NPAS3: variants seen among roughly 807,000 people sequenced by gnomAD.
NPAS3 encodes neuronal PAS domain-containing protein 3.
NPAS3 carries 14 observed loss-of-function variants against 73.1 expected under a neutral mutation model. The observed-to-expected ratio is 0.19, with a 90% CI of 0.13 to 0.30. The LOEUF (loss-of-function observed/expected upper bound fraction) is 0.30, where lower values mean the gene tolerates loss of function less well. NPAS3 is among the 10% of genes least tolerant of loss of function. The pLI is 1.00. For missense variants in NPAS3, 1,096 were observed against 1,250.0 expected, an observed-to-expected ratio of 0.88 and a Z score of 1.86; for synonymous variants, 620 against 541.5, an observed-to-expected ratio of 1.14 and a Z score of -2.01.
intron 6 of NPAS3, among the ~76,000 whole-genome samples, chr14:33,734,985 T>C (rs1482231293): frequency 6.6e-6 from 1 of 152,196 alleles, no homozygotes; most frequent in Non-Finnish European, 1.5e-5. Context: ...TAAAAAGGCC[T>C]GAAAAGCTCT....
chr14:33,527,896 T>G (rs1354829183), intron 4 of NPAS3, among the ~76,000 whole-genome samples: 9 of 152,066 alleles, frequency 5.9e-5, no homozygotes, highest in Admixed American at 4.6e-4. Context: ...CAATGGCTGT[T>G]TCAACAGAAG....
At chr14:33,138,197 C>A (rs987491163) in intron 2 of NPAS3, among the ~76,000 whole-genome samples, 1 of 131,660 alleles carries the variant, frequency 7.6e-6, no homozygotes, top group Admixed American at 7.8e-5. Context: ...AATGCTATCC[C>A]TCCCCCCTCC....
chr14:33,374,083 G>A (rs1365988237), intron 4 of NPAS3, among the ~76,000 whole-genome samples: 6 of 152,172 alleles, frequency 3.9e-5, no homozygotes, highest in Non-Finnish European at 5.9e-5. Context: ...AAAAATGATA[G>A]AGAAGAAGGG....
intron 6 of NPAS3, among the ~76,000 whole-genome samples, chr14:33,709,864 C>A (rs1444073732): frequency 6.6e-6 from 1 of 152,124 alleles, no homozygotes; most frequent in Non-Finnish European, 1.5e-5. Context: ...TGATATGTAT[C>A]ATGCTGGGAT....
At chr14:32,960,730 T>C (rs916884550) in intron 1 of NPAS3, among the ~76,000 whole-genome samples, 2 of 152,222 alleles carry the variant, frequency 1.3e-5, no homozygotes, top group South Asian at 2.1e-4. Context: ...AGTGCATATA[T>C]ACTTATGTGC....
At chr14:33,150,157 G>A (rs1051960174) in intron 2 of NPAS3, among the ~76,000 whole-genome samples, 2 of 152,102 alleles carry the variant, frequency 1.3e-5, no homozygotes, top group Non-Finnish European at 2.9e-5. Context: ...TGGTGTACAT[G>A]TGCCACATCT....
intron 4 of NPAS3, among the ~76,000 whole-genome samples, chr14:33,391,287 A>G (rs951186808): frequency 6.8e-6 from 1 of 146,964 alleles, no homozygotes; most frequent in African/African-American, 2.5e-5. Flanking sequence ...TCTGCCTCGC[A>G]GGTTTAAGCA....
At chr14:33,482,269 T>C (rs1246192150) in intron 4 of NPAS3, among the ~76,000 whole-genome samples, 1 of 152,186 alleles carries the variant, frequency 6.6e-6, no homozygotes. Flanking sequence ...TTAAGATAGA[T>C]GTTCACATTC....
At chr14:33,181,265 G>C (rs923134931) in intron 2 of NPAS3, among the ~76,000 whole-genome samples, 14 of 152,190 alleles carry the variant, frequency 9.2e-5, no homozygotes, top group Non-Finnish European at 1.6e-4. Flanking sequence ...AGGAAAAGAG[G>C]AAGGAGGGGA....
At chr14:33,339,658 G>A (rs1184892369) in intron 3 of NPAS3, among the ~76,000 whole-genome samples, 2 of 152,106 alleles carry the variant, frequency 1.3e-5, no homozygotes, top group African/African-American at 4.8e-5. Context: ...TTTGGAGACA[G>A]GCTGATTTTA....
At chr14:33,600,685 C>T (rs2057374566) in intron 5 of NPAS3, among the ~76,000 whole-genome samples, 1 of 152,118 alleles carries the variant, frequency 6.6e-6, no homozygotes, top group African/African-American at 2.4e-5. Flanking sequence ...CCTTATCAAA[C>T]ACAAGATATA....
rs568978627 is a variant in NPAS3, at chr14:33,414,670, G to C, written c.468+47402G>C. Among the ~76,000 whole-genome samples the C allele has an allele frequency of 3.3e-5, 5 of 152,158 alleles. No homozygotes were observed. The South Asian group carries it at 1.0e-3, about 32-fold the overall frequency. On this transcript the variant is annotated intron_variant, in intron 4 of 11. Coordinates refer to ENST00000356141, the Ensembl canonical transcript of NPAS3. Reference sequence around the variant, plus strand: ...GAATTTAATTATTGATTTCTGACAAGTGTTACCACAAAGCAAATACTATAA... The same window carrying C: ...GAATTTAATTATTGATTTCTGACAACTGTTACCACAAAGCAAATACTATAA...
chr14:33,087,364 G>A (rs1483550265), intron 2 of NPAS3, among the ~76,000 whole-genome samples: 2 of 151,042 alleles, frequency 1.3e-5, no homozygotes, highest in East Asian at 3.9e-4. Context: ...AACTTACTGT[G>A]TTAATTTGAT....
At chr14:33,710,544 C>G (rs190086854) in intron 6 of NPAS3, among the ~76,000 whole-genome samples, 6 of 152,298 alleles carry the variant, frequency 3.9e-5, no homozygotes, top group Admixed American at 3.9e-4. Flanking sequence ...AGCCCTTACC[C>G]TTTTGGCTGG....
intron 2 of NPAS3, among the ~76,000 whole-genome samples, chr14:33,066,451 A>T (rs372992985): frequency 6.6e-6 from 1 of 152,204 alleles, no homozygotes; most frequent in East Asian, 1.9e-4. Context: ...TGTGTTTTTT[A>T]TTTTTTAATT....
At chr14:33,735,446 G>T in intron 7 of NPAS3, 114 bp downstream of exon 7, 2 of 739,364 alleles carry the variant, frequency 2.7e-6, no homozygotes, top group Non-Finnish European at 4.8e-6. Context: ...ATCTTGAGGA[G>T]CCCATAGGAT....
chr14:33,333,910 A>G (rs2044098808), intron 3 of NPAS3, among the ~76,000 whole-genome samples: 1 of 152,168 alleles, frequency 6.6e-6, no homozygotes, highest in Admixed American at 6.5e-5. Flanking sequence ...TCATTTGACT[A>G]TAATTTTCCT....
At chr14:32,998,393 G>A (rs2038671810) in intron 1 of NPAS3, among the ~76,000 whole-genome samples, 2 of 152,210 alleles carry the variant, frequency 1.3e-5, no homozygotes, top group South Asian at 4.1e-4. Context: ...ATGGGAGCAA[G>A]TGCTTAATGG....
intron 5 of NPAS3, among the ~76,000 whole-genome samples, chr14:33,623,219 G>C (rs1384540017): frequency 3.9e-5 from 6 of 152,056 alleles, no homozygotes. Context: ...AAAAATACTG[G>C]TCATAAAGAA....
Sources: allele counts gnomAD v4.1 joint callset (sites outside exome capture counted in the v4.1 genomes callset), GRCh38; gene constraint gnomAD v4.1.1; transcripts MANE v1.5; gene names NCBI Gene and HGNC (gene_info 2026-07-23, HGNC 2026-07-21).